Variants in DOCK1 observed in about 807,000 individuals in gnomAD.
DOCK1 encodes the protein dedicator of cytokinesis protein 1.
Under a neutral mutation model 262.7 loss-of-function variants are expected in DOCK1, and 138 were observed. The observed-to-expected ratio is 0.53, with a 90% confidence interval of 0.46 to 0.61. The LOEUF (loss-of-function observed/expected upper bound fraction) is 0.61, where lower values mean the gene tolerates loss of function less well. Among genes scored for constraint, DOCK1 ranks in the 20% least tolerant of loss-of-function variants. DOCK1 has a pLI of 0.00. For missense variants in DOCK1, 1,908 were observed against 2,370.7 expected (o/e 0.80, Z 4.05); for synonymous variants, 866 against 867.4 (o/e 1.00, Z 0.03).
chr10:126,990,962 A>G, intron 6 of DOCK1, among the ~76,000 whole-genome samples: 1 of 152,174 alleles, frequency 6.6e-6, no homozygotes, highest in African/African-American at 2.4e-5. Flanking sequence ...TTGCATAGTG[A>G]CAAGCAACAG....
At chr10:127,272,440 C>T (rs988113473) in intron 29 of DOCK1, among the ~76,000 whole-genome samples, 1 of 152,180 alleles carries the variant, frequency 6.6e-6, no homozygotes, top group African/African-American at 2.4e-5. Context: ...ATAGATTCTG[C>T]TAAATGCTAA....
rs2042195608 is a variant in DOCK1, at chr10:127,018,794, C to T, written c.1286C>T (p.Ala429Val). 1 of 1,613,860 alleles carries T rather than the reference C, an allele frequency of 6.2e-7. No individual in the cohort carries two copies. Among genetic ancestry groups the T allele is most frequent in the Non-Finnish European group, 8.5e-7 (1 of 1,179,896 alleles). ...CCGCATTTAGTGGACAGGACCACAG[C>T]TGTGGCTCGAAAAACAGGGTTTCCG... is the stretch of plus-strand genomic sequence containing the variant. ...EFPHLVDRTT[A>V]VARKTGFPEI... Residue 429 changes from alanine (A) to valine (V), a missense_variant, in exon 13 of 52, where the codon GCT (alanine) becomes GTT (valine). Transcript: ENST00000623213.
chr10:127,348,485 A>C (rs1031285161), intron 31 of DOCK1, among the ~76,000 whole-genome samples: 2 of 152,212 alleles, frequency 1.3e-5, no homozygotes, highest in Non-Finnish European at 2.9e-5. Context: ...AACAGGGTTC[A>C]TGAATTGGGC....
intron 23 of DOCK1, among the ~76,000 whole-genome samples, chr10:127,067,202 C>T (rs1486121166): frequency 1.3e-5 from 2 of 152,188 alleles, no homozygotes; most frequent in Non-Finnish European, 2.9e-5. Flanking sequence ...GGGAGGAGAC[C>T]TTGGCGATGG....
At chr10:126,949,098 G>A (rs1380366853) in intron 1 of DOCK1, among the ~76,000 whole-genome samples, 1 of 152,094 alleles carries the variant, frequency 6.6e-6, no homozygotes, top group Non-Finnish European at 1.5e-5. Context: ...CTGCTGGGGG[G>A]AGGTGCATCC....
intron 23 of DOCK1, among the ~76,000 whole-genome samples, chr10:127,075,715 C>G (rs539271242): frequency 2.0e-5 from 3 of 152,192 alleles, no homozygotes; most frequent in Admixed American, 1.3e-4. Context: ...CATGAGAACT[C>G]ACTGTCATGA....
At chr10:127,034,512 C>T (rs750758974) in intron 18 of DOCK1, among the ~76,000 whole-genome samples, 3 of 152,068 alleles carry the variant, frequency 2.0e-5, no homozygotes, top group Non-Finnish European at 2.9e-5. Flanking sequence ...GTCAGCAGTG[C>T]GGGGCTCAAC....
At chr10:127,352,400 A>G (rs1304718256) in intron 31 of DOCK1, among the ~76,000 whole-genome samples, 1 of 151,570 alleles carries the variant, frequency 6.6e-6, no homozygotes, top group Non-Finnish European at 1.5e-5. Flanking sequence ...CTCTGGAAAC[A>G]CAGCAAGTCA....
At chr10:127,070,069 C>T (rs2046125018) in intron 23 of DOCK1, among the ~76,000 whole-genome samples, 2 of 151,978 alleles carry the variant, frequency 1.3e-5, no homozygotes, top group East Asian at 1.9e-4. Context: ...CAGTCTCTGC[C>T]CCCGTCTTCA....
chr10:127,133,710 C>T (rs1050166847), intron 27 of DOCK1, among the ~76,000 whole-genome samples: 2 of 152,310 alleles, frequency 1.3e-5, no homozygotes, highest in East Asian at 1.9e-4. Flanking sequence ...AAGATATTTG[C>T]AAAACCAGAC....
Position 127,451,444 on chromosome 10 carries a change from G to C in DOCK1, c.*17G>C, listed in dbSNP as rs778291564. 1 of 1,560,414 alleles carries C rather than the reference G, an allele frequency of 6.4e-7. No individual in the cohort carries two copies. Among genetic ancestry groups the C allele is most frequent in the Admixed American group, 1.9e-5 (1 of 52,150 alleles). Reference sequence around the variant, plus strand: ...GTGCAGTGACGTCGCAAGCCTCTCTGGAAAGAGTGTGCTGCCCCTCCCCAT... The same window carrying C: ...GTGCAGTGACGTCGCAAGCCTCTCTCGAAAGAGTGTGCTGCCCCTCCCCAT... On this transcript the variant is annotated 3_prime_UTR_variant, in exon 52 of 52. Transcript: ENST00000623213.
intron 38 of DOCK1, among the ~76,000 whole-genome samples, chr10:127,396,364 C>A (rs574148809): frequency 6.3e-4 from 96 of 152,330 alleles, no homozygotes; most frequent in African/African-American, 2.3e-3. Flanking sequence ...TCTCCCTTTG[C>A]AGCACCCATG....
At position 127,176,504 on chromosome 10, in the gene DOCK1, T is replaced by A. The variant is rs2055176336; in HGVS notation, c.2847+48740T>A. 2.1e-6 allele frequency: 2 copies of A among 958,276 alleles called. No homozygotes were observed. Among genetic ancestry groups the A allele is most frequent in the Admixed American group, 2.6e-5 (1 of 39,096 alleles). 59.4% of individuals were successfully genotyped at this position (958,276 alleles called of 1,614,324 possible). On this transcript the variant is annotated intron_variant, in intron 27 of 51. Transcript: ENST00000623213. This position sits in a 1 kb window ranked among gnomAD's most constrained non-coding sequence, Gnocchi z 4.4. The stretch of plus-strand genomic sequence containing the variant: ...ACCACGACGACTGCCTGTTTCCTAA[T>A]TATATTTAAGCAGGTGAGGTCGGCC...
chr10:127,109,507 C>T (rs1592061515), intron 24 of DOCK1, among the ~76,000 whole-genome samples: 1 of 152,176 alleles, frequency 6.6e-6, no homozygotes, highest in East Asian at 1.9e-4. Flanking sequence ...TTTTTATAAC[C>T]CCAGCAAGAT....
At chr10:126,944,089 G>A (rs964062676) in intron 1 of DOCK1, among the ~76,000 whole-genome samples, 3 of 151,040 alleles carry the variant, frequency 2.0e-5, no homozygotes, top group Non-Finnish European at 4.4e-5. Flanking sequence ...CATGGCAGCC[G>A]TGCAGGGGAG....
chr10:127,146,175 G>A lies in DOCK1; in HGVS notation c.2847+18411G>A, dbSNP rs188188434. 424 of 357,952 alleles carry A rather than the reference G, an allele frequency of 1.2e-3. 2 individuals are homozygous for A. The highest frequency in any genetic ancestry group is 2.3e-3 in the Middle Eastern group (6 of 2,622). 22.2% of individuals were successfully genotyped at this position (357,952 alleles called of 1,614,324 possible). A position where few individuals can be genotyped will look rare whatever the true frequency, so the allele number is the denominator to read the frequency against. ...TCCCCTCATGCTGTTTTGGACATTG[G>A]TAAATGCCTCCTTAACTTTGACCTT... On this transcript the variant is annotated intron_variant, in intron 27 of 51. Transcript: ENST00000623213.
chr10:127,079,531 T>C (rs1564787593), intron 23 of DOCK1, among the ~76,000 whole-genome samples: 1 of 152,080 alleles, frequency 6.6e-6, no homozygotes, highest in African/African-American at 2.4e-5. Context: ...GACAGACTAA[T>C]AAAAAAATCT....
At chr10:127,366,392 C>T (rs1347795775) in intron 33 of DOCK1, among the ~76,000 whole-genome samples, 1 of 152,096 alleles carries the variant, frequency 6.6e-6, no homozygotes, top group Non-Finnish European at 1.5e-5. Context: ...GTCTCCTTGT[C>T]ACTGGGTTTT....
chr10:126,948,679 C>G (rs996914627), intron 1 of DOCK1, among the ~76,000 whole-genome samples: 3 of 151,908 alleles, frequency 2.0e-5, no homozygotes, highest in African/African-American at 4.8e-5. Flanking sequence ...CACTGCTTCC[C>G]AGGAATCCTC....
Sources: allele counts gnomAD v4.1 joint callset (sites outside exome capture counted in the v4.1 genomes callset), GRCh38; gene constraint gnomAD v4.1.1; non-coding constraint Gnocchi (gnomAD v3.1); transcripts MANE v1.5; gene names NCBI Gene and HGNC (gene_info 2026-07-23, HGNC 2026-07-21).